SIDT1: variants seen among roughly 807,000 people sequenced by gnomAD.
SIDT1 encodes SID1 transmembrane family, member 1.
A neutral mutation model predicts 107.5 loss-of-function variants in SIDT1; 101 were observed. The observed-to-expected ratio is 0.94, with a 90% CI of 0.80 to 1.11. The LOEUF is 1.11. SIDT1 is among the 50% of genes least tolerant of loss of function. SIDT1 has a pLI of 0.00. For missense variants in SIDT1, 1,076 were observed against 1,058.2 expected, an observed-to-expected ratio of 1.02 and a Z score of -0.23; for synonymous variants, 395 against 398.2, an observed-to-expected ratio of 0.99 and a Z score of 0.10.
intron 10 of SIDT1, among the ~76,000 whole-genome samples, chr3:113,594,528 G>A (rs991960614): frequency 2.6e-5 from 4 of 152,132 alleles, no homozygotes; most frequent in African/African-American, 9.7e-5. Context: ...TTTATAGTAT[G>A]AGTGAAGTCT....
intron 1 of SIDT1, among the ~76,000 whole-genome samples, chr3:113,545,468 A>G (rs562822216): frequency 1.3e-5 from 2 of 152,318 alleles, no homozygotes; most frequent in African/African-American, 4.8e-5. Context: ...CATTCTAAGT[A>G]TTTTATATTG....
At chr3:113,549,087 C>A (rs1939923885) in intron 1 of SIDT1, among the ~76,000 whole-genome samples, 1 of 152,108 alleles carries the variant, frequency 6.6e-6, no homozygotes, top group Admixed American at 6.6e-5. Context: ...CTTGATGCCT[C>A]ATTTCTTTTT....
chr3:113,598,128 G>A (rs758858853), intron 10 of SIDT1, among the ~76,000 whole-genome samples: 6 of 152,180 alleles, frequency 3.9e-5, no homozygotes, highest in African/African-American at 1.2e-4. Context: ...GCTCTTATCT[G>A]TCACAGAACC....
intron 11 of SIDT1, chr3:113,602,447 C>T (rs1015224500): frequency 2.0e-5 from 3 of 152,192 alleles, no homozygotes; most frequent in Non-Finnish European, 2.9e-5. Context: ...AGCTCATGTG[C>T]CCATCAAGCT....
intron 4 of SIDT1, 53 bp downstream of exon 4, chr3:113,577,020 G>A (rs184807720): frequency 6.5e-7 from 1 of 1,546,856 alleles, no homozygotes; most frequent in East Asian, 2.2e-5. Context: ...GGTGTTGCCT[G>A]CCTGTTAGTG....
chr3:113,557,357 A>G (rs953274716), intron 1 of SIDT1, among the ~76,000 whole-genome samples: 1 of 152,178 alleles, frequency 6.6e-6, no homozygotes, highest in Non-Finnish European at 1.5e-5. Flanking sequence ...TGAGGTCCTA[A>G]CCCCTAGAAC....
At chr3:113,605,122 C>CTAT in intron 14 of SIDT1, 146 bp downstream of exon 14, 2 of 306,992 alleles carry the variant, frequency 6.5e-6, no homozygotes, top group Non-Finnish European at 1.1e-5. Context: ...CTATTGCTTC[C>CTAT]TCTTTTTTTT....
chr3:113,555,605 A>G (rs1940765045), intron 1 of SIDT1, among the ~76,000 whole-genome samples: 1 of 152,196 alleles, frequency 6.6e-6, no homozygotes, highest in Non-Finnish European at 1.5e-5. Flanking sequence ...ATGAAGGCTT[A>G]TATGATTATA....
chr3:113,540,020 A>C (rs1263706163), intron 1 of SIDT1, among the ~76,000 whole-genome samples: 1 of 151,928 alleles, frequency 6.6e-6, no homozygotes, highest in Non-Finnish European at 1.5e-5. Flanking sequence ...AAAAAAAAAA[A>C]AAGTGCTGGC....
chr3:113,548,826 T>C (rs1939886831), intron 1 of SIDT1, among the ~76,000 whole-genome samples: 1 of 152,160 alleles, frequency 6.6e-6, no homozygotes, highest in Non-Finnish European at 1.5e-5. Flanking sequence ...TCTTATTCAA[T>C]ATATAAGTAT....
chr3:113,574,448 G>T (rs1159196968), intron 3 of SIDT1, among the ~76,000 whole-genome samples: 1 of 152,228 alleles, frequency 6.6e-6, no homozygotes, highest in East Asian at 1.9e-4. Flanking sequence ...TGCACACTGT[G>T]CTCTGTGCTA....
chr3:113,617,431 G>C (rs555507673), intron 20 of SIDT1, among the ~76,000 whole-genome samples: 84 of 152,328 alleles, frequency 5.5e-4, no homozygotes, highest in African/African-American at 1.9e-3. Context: ...ACTGCCCCAG[G>C]CTTTACAAAG....
intron 1 of SIDT1, among the ~76,000 whole-genome samples, chr3:113,541,070 C>T (rs1246589820): frequency 1.3e-5 from 2 of 151,546 alleles, no homozygotes; most frequent in African/African-American, 4.9e-5. Flanking sequence ...CCATTACGAG[C>T]TATATTGTCT....
In SIDT1 at chr3:113,607,127, C is replaced by T. The variant is rs562577451; in HGVS notation, c.1478+13C>T. ...TGGGCGTCCTGAGGTAAACCCAGTC[C>T]TCTGGTTGCCCATGAGGCATTTAGA... On this transcript the variant is annotated intron_variant, in intron 15 of 24. Transcript: ENST00000264852. 2.5e-6 allele frequency: 4 copies of T among 1,577,866 alleles called. No individual in the cohort carries two copies. The highest frequency in any genetic ancestry group is 1.3e-5 in the African/African-American group (1 of 74,328).
At chr3:113,577,961 A>G (rs1943031925) in intron 4 of SIDT1, among the ~76,000 whole-genome samples, 1 of 152,220 alleles carries the variant, frequency 6.6e-6, no homozygotes, top group Non-Finnish European at 1.5e-5. Context: ...ACTAATGCAC[A>G]ATCAGCTCTC....
intron 1 of SIDT1, among the ~76,000 whole-genome samples, chr3:113,560,182 C>T (rs537135099): frequency 3.3e-5 from 5 of 152,146 alleles, no homozygotes; most frequent in South Asian, 2.1e-4. Flanking sequence ...TCTAACACTA[C>T]GAGTGGAGGT....
intron 1 of SIDT1, among the ~76,000 whole-genome samples, chr3:113,545,888 A>G (rs1258562228): frequency 6.6e-6 from 1 of 152,254 alleles, no homozygotes; most frequent in Non-Finnish European, 1.5e-5. Context: ...TTTTTATAGT[A>G]TAAGTTTTCA....
chr3:113,554,009 T>TG (rs1452029155), intron 1 of SIDT1, among the ~76,000 whole-genome samples: 1 of 152,148 alleles, frequency 6.6e-6, no homozygotes, highest in Non-Finnish European at 1.5e-5. Context: ...ATCATGCCAT[T>TG]GAACTCCAAT....
Position 113,627,768 on chromosome 3 carries a change from A to G in SIDT1, c.*60A>G. 1 of 1,496,886 alleles carries G rather than the reference A, an allele frequency of 6.7e-7. No homozygotes were observed. Among genetic ancestry groups the G allele is most frequent in the Admixed American group, 1.7e-5 (1 of 59,698 alleles). 92.7% of individuals were successfully genotyped at this position (1,496,886 alleles called of 1,614,324 possible). On this transcript the variant is annotated 3_prime_UTR_variant, in exon 25 of 25. Coordinates refer to ENST00000264852, the MANE Select transcript of SIDT1 (RefSeq NM_017699.3). Reference sequence around the variant, plus strand: ...ATCTTGGTGCTGTTTCACAAAAATTACAGTGACCACAGCAAAGTAACCACT... The same window carrying G: ...ATCTTGGTGCTGTTTCACAAAAATTGCAGTGACCACAGCAAAGTAACCACT...
Sources: gnomAD v4.1 joint callset for allele counts (sites outside exome capture counted in the v4.1 genomes callset) on GRCh38, gnomAD v4.1.1 for gene constraint, MANE v1.5 for transcripts, NCBI Gene and HGNC (gene_info 2026-07-23, HGNC 2026-07-21) for gene names.